Variants in CAMK2A observed in about 807,000 individuals in gnomAD.
CAMK2A encodes calcium/calmodulin-dependent protein kinase type II subunit alpha.
A neutral mutation model predicts 79.2 loss-of-function variants in CAMK2A; 7 were observed. The ratio of observed to expected loss-of-function variants is 0.09; its 90% CI spans 0.05 to 0.17. CAMK2A has a LOEUF of 0.17. Ranked by LOEUF, CAMK2A falls within the 10% of genes least tolerant of loss-of-function variation. CAMK2A has a pLI of 1.00. For synonymous variants in CAMK2A, 242 were observed against 251.7 expected (o/e 0.96, Z 0.36); for missense variants, 214 against 646.4 (o/e 0.33, Z 7.25).
rs369557007 is a variant in CAMK2A, at chr5:150,233,970, G to A, written c.1067-2590C>T. On this transcript the variant is annotated intron_variant, in intron 15 of 18. Coordinates refer to ENST00000671881, the MANE Select transcript of CAMK2A (RefSeq NM_015981.4). Reference sequence around the variant, plus strand: ...TGGGATTACAGGCATGCACCACCACGCCCAGCTAATTTTTGTATTTGTAGT... The same window carrying A: ...TGGGATTACAGGCATGCACCACCACACCCAGCTAATTTTTGTATTTGTAGT... Among the ~76,000 whole-genome samples, 12 of 152,174 alleles carry A rather than the reference G, an allele frequency of 7.9e-5. No individual in the cohort carries two copies. In the East Asian group the frequency reaches 1.4e-3, roughly 17 times the overall value.
rs1757589149 is a variant in CAMK2A, at chr5:150,289,768, G to T, written c.-143C>A. The T allele has an allele frequency of 3.2e-6, 2 of 626,848 alleles. No homozygotes were observed. Among genetic ancestry groups the T allele is most frequent in the Admixed American group, 5.2e-5 (2 of 38,280 alleles). 38.8% of individuals were successfully genotyped at this position (626,848 alleles called of 1,614,324 possible). On this transcript the variant is annotated 5_prime_UTR_variant, in exon 1 of 19. Transcript: ENST00000671881. ...AACCGGTTTGACTGACGAGCCCGGG[G>T]CTTCTGAGCAGGGCACTGTGGCTGC...
chr5:150,222,263 T>C lies in CAMK2A; in HGVS notation c.*447A>G, dbSNP rs957709. On this transcript the variant is annotated 3_prime_UTR_variant, in exon 19 of 19. Coordinates refer to ENST00000671881, the MANE Select transcript of CAMK2A (RefSeq NM_015981.4). ...GGCTTAGGGGGAAGGGAGTGTCATC[T>C]GCCCTTCCCCGGGGACACTGGAAGA... 0.34 allele frequency: 185,701 copies of C among 549,680 alleles called. 32,538 individuals are homozygous for C. Among genetic ancestry groups the C allele is most frequent in the Admixed American group, 0.41 (13,340 of 32,236 alleles). 34.1% of individuals were successfully genotyped at this position (549,680 alleles called of 1,614,324 possible).
At position 150,241,948 on chromosome 5, in the gene CAMK2A, G is replaced by A. The variant is rs1049368546; in HGVS notation, c.985-2212C>T. ...GCTGTCAGCAGAAACCCGAGGAGCCGCGCAGGGGCCAGGAGGTTCCAGGCG... is the reference window on the plus strand; with the variant it reads ...GCTGTCAGCAGAAACCCGAGGAGCCACGCAGGGGCCAGGAGGTTCCAGGCG... On this transcript the variant is annotated intron_variant, in intron 13 of 18. Transcript: ENST00000671881. 5.3e-5 allele frequency among the ~76,000 whole-genome samples: 8 copies of A among 152,292 alleles called. No individual in the cohort carries two copies. The South Asian group carries it at 6.2e-4, about 12-fold the overall frequency.
chr5:150,254,636 A>C (rs959385145), intron 6 of CAMK2A, among the ~76,000 whole-genome samples: 2 of 152,002 alleles, frequency 1.3e-5, no homozygotes, highest in Admixed American at 1.3e-4. Context: ...TGGTCCCTTC[A>C]CCCTGAGACT....
chr5:150,273,840 A>C (rs946697701), intron 1 of CAMK2A, among the ~76,000 whole-genome samples: 9 of 152,222 alleles, frequency 5.9e-5, no homozygotes, highest in African/African-American at 2.2e-4. Context: ...GATTAGTTTC[A>C]ATCTATAGCC....
chr5:150,276,711 C>A (rs1215907275), intron 1 of CAMK2A, among the ~76,000 whole-genome samples: 1 of 152,134 alleles, frequency 6.6e-6, no homozygotes, highest in Non-Finnish European at 1.5e-5. Context: ...GGTGCAGGAG[C>A]TGGGTCTCGT....
At chr5:150,257,442 C>T (rs905986143) in intron 4 of CAMK2A, 121 bp downstream of exon 4, 1 of 826,550 alleles carries the variant, frequency 1.2e-6, no homozygotes, top group Non-Finnish European at 2.0e-6. Context: ...GTGGCAGGCC[C>T]ACCACATTTG....
chr5:150,232,561 C>T (rs916031243), intron 15 of CAMK2A, among the ~76,000 whole-genome samples: 5 of 152,252 alleles, frequency 3.3e-5, no homozygotes, highest in Non-Finnish European at 7.3e-5. Flanking sequence ...CTCCCAGAGG[C>T]AGGCCCCTTT....
intron 3 of CAMK2A, among the ~76,000 whole-genome samples, chr5:150,264,208 G>A (rs1385494044): frequency 6.6e-6 from 1 of 152,184 alleles, no homozygotes; most frequent in African/African-American, 2.4e-5. Flanking sequence ...CTTTTCACAA[G>A]GTGCCCAAGA....
At chr5:150,253,265 C>G (rs926661086) in intron 7 of CAMK2A, among the ~76,000 whole-genome samples, 179 bp downstream of exon 7, 4 of 152,182 alleles carry the variant, frequency 2.6e-5, no homozygotes, top group African/African-American at 9.7e-5. Flanking sequence ...CCTGGGGACA[C>G]AGATAGGTGC....
intron 17 of CAMK2A, among the ~76,000 whole-genome samples, chr5:150,225,607 G>A (rs1580893979): frequency 6.6e-6 from 1 of 152,206 alleles, no homozygotes; most frequent in African/African-American, 2.4e-5. Flanking sequence ...GGGATTGTAA[G>A]TTCACACTGG....
intron 15 of CAMK2A, among the ~76,000 whole-genome samples, chr5:150,236,234 A>G (rs1755053320): frequency 6.6e-6 from 1 of 152,232 alleles, no homozygotes; most frequent in Admixed American, 6.5e-5. Context: ...CCTAATTTAC[A>G]TTAATAGTGC....
At chr5:150,244,403 G>C (rs1755470057) in intron 13 of CAMK2A, among the ~76,000 whole-genome samples, 1 of 152,254 alleles carries the variant, frequency 6.6e-6, no homozygotes, top group East Asian at 1.9e-4. Flanking sequence ...CCAGCCCTGG[G>C]GCCCTCGCCA....
At chr5:150,229,673 C>G (rs1010092684) in intron 16 of CAMK2A, among the ~76,000 whole-genome samples, 3 of 152,200 alleles carry the variant, frequency 2.0e-5, no homozygotes, top group African/African-American at 7.2e-5. Flanking sequence ...TTGGGGACCA[C>G]AGGGGCCACC....
Position 150,234,109 on chromosome 5 carries a change from T to G in CAMK2A, c.1067-2729A>C, listed in dbSNP as rs189863941. ...TACAGGTGTGAGCCACTGTGCCCAG[T>G]CCAGAGCTACCTCTTTCTTGCCACT... is the stretch of plus-strand genomic sequence containing the variant. On this transcript the variant is annotated intron_variant, in intron 15 of 18. Coordinates refer to ENST00000671881, the MANE Select transcript of CAMK2A (RefSeq NM_015981.4). Among the ~76,000 whole-genome samples the G allele has an allele frequency of 2.9e-3, 445 of 152,192 alleles. 1 individual carries two copies. Among genetic ancestry groups the G allele is most frequent in the Non-Finnish European group, 4.8e-3 (325 of 67,986 alleles).
rs1224596279 is a variant in CAMK2A at position 150,245,147 on chromosome 5, C to T, written c.984+14G>A. On this transcript the variant is annotated intron_variant, in intron 13 of 18. Transcript: ENST00000671881. The stretch of plus-strand genomic sequence containing the variant: ...GCCAGAGCCAAGCCCTGCCAGGCTC[C>T]TGGAGGGGCTTACCTTCACACCATC... 1 of 1,613,716 alleles carries T rather than the reference C, an allele frequency of 6.2e-7. No homozygotes were observed. Among genetic ancestry groups the T allele is most frequent in the African/African-American group, 1.3e-5 (1 of 75,050 alleles).
intron 13 of CAMK2A, among the ~76,000 whole-genome samples, chr5:150,240,434 G>A (rs537683557): frequency 5.4e-4 from 83 of 152,332 alleles, no homozygotes; most frequent in African/African-American, 1.9e-3. Context: ...TATGCTGATG[G>A]AGAAACTGAG....
intron 3 of CAMK2A, among the ~76,000 whole-genome samples, chr5:150,258,425 C>A (rs1212495955): frequency 6.6e-6 from 1 of 152,302 alleles, no homozygotes; most frequent in East Asian, 1.9e-4. Flanking sequence ...CAGTGAATGA[C>A]GATTCATCCG....
At chr5:150,245,041 C>G (rs1181571960) in intron 13 of CAMK2A, 120 bp downstream of exon 13, 2 of 960,748 alleles carry the variant, frequency 2.1e-6, no homozygotes, top group East Asian at 2.5e-5. Flanking sequence ...ACAAATGTGG[C>G]CCACGTCTGC....
Sources: allele counts gnomAD v4.1 joint callset (sites outside exome capture counted in the v4.1 genomes callset), GRCh38; gene constraint gnomAD v4.1.1; transcripts MANE v1.5; gene names NCBI Gene and HGNC (gene_info 2026-07-23, HGNC 2026-07-21).